Variants in CFAP210 observed in about 807,000 individuals in gnomAD.
The protein encoded by CFAP210 is cilia- and flagella- associated protein 210.
chr2:169,678,941 A>C, the CFAP210 span, among the ~76,000 whole-genome samples: 1 of 152,360 alleles, frequency 6.6e-6, no homozygotes, highest in Non-Finnish European at 1.5e-5. Flanking sequence ...CTATTATTAA[A>C]TCTACAGTCA....
the CFAP210 span, among the ~76,000 whole-genome samples, chr2:169,687,010 C>G: frequency 0.45 from 68,697 of 151,974 alleles, 15,573 homozygotes; most frequent in African/African-American, 0.47. Context: ...GTGGCAGCAA[C>G]AGAAAACGAG....
the CFAP210 span, among the ~76,000 whole-genome samples, chr2:169,646,355 C>T: frequency 2.0e-5 from 3 of 152,122 alleles, no homozygotes; most frequent in Admixed American, 6.6e-5. Flanking sequence ...CTATCATGCT[C>T]AAAGTGGTGG....
chr2:169,665,717 G>A, the CFAP210 span, among the ~76,000 whole-genome samples: 2 of 152,202 alleles, frequency 1.3e-5, no homozygotes, highest in Non-Finnish European at 2.9e-5. Context: ...ATGCTGAGGA[G>A]GGCTTTGTGC....
the CFAP210 span, among the ~76,000 whole-genome samples, chr2:169,663,120 G>A: frequency 2.0e-5 from 3 of 152,096 alleles, no homozygotes; most frequent in African/African-American, 4.8e-5. Context: ...AAGACTCCAG[G>A]TCTCAAAGGC....
the CFAP210 span, among the ~76,000 whole-genome samples, chr2:169,691,830 C>T: frequency 3.3e-5 from 5 of 152,170 alleles, no homozygotes; most frequent in Non-Finnish European, 5.9e-5. Flanking sequence ...ATTCTGTAGT[C>T]TGTATTCTTT....
chr2:169,666,879 G>T, the CFAP210 span, among the ~76,000 whole-genome samples: 4 of 152,118 alleles, frequency 2.6e-5, no homozygotes, highest in African/African-American at 9.7e-5. Flanking sequence ...TCCATCTCAA[G>T]AAACCACTTT....
chr2:169,668,121 T>G, the CFAP210 span, among the ~76,000 whole-genome samples: 73 of 152,380 alleles, frequency 4.8e-4, no homozygotes, highest in African/African-American at 1.7e-3. Context: ...TCTGGATAAC[T>G]TGCTGCAGCT....
the CFAP210 span, among the ~76,000 whole-genome samples, chr2:169,676,028 T>C: frequency 6.6e-6 from 1 of 152,346 alleles, no homozygotes; most frequent in East Asian, 1.9e-4. Flanking sequence ...TTTAGGTGTT[T>C]CGTCTGGCTG....
the CFAP210 span, among the ~76,000 whole-genome samples, chr2:169,660,111 G>T: frequency 6.6e-6 from 1 of 151,652 alleles, no homozygotes; most frequent in Non-Finnish European, 1.5e-5. Context: ...TTTTCTGGCT[G>T]GGCACGGTGG....
the CFAP210 span, among the ~76,000 whole-genome samples, chr2:169,682,092 G>A: frequency 4.1e-3 from 629 of 152,202 alleles, 1 homozygote; most frequent in African/African-American, 0.01. Flanking sequence ...TGGGTGTTCC[G>A]TTATATGAAT....
the CFAP210 span, among the ~76,000 whole-genome samples, chr2:169,685,790 G>T: frequency 6.6e-6 from 1 of 151,862 alleles, no homozygotes; most frequent in Non-Finnish European, 1.5e-5. Flanking sequence ...TATGTGGTGT[G>T]AGGTGTCTAT....
chr2:169,671,651 G>A, the CFAP210 span, among the ~76,000 whole-genome samples: 2 of 152,028 alleles, frequency 1.3e-5, no homozygotes, highest in East Asian at 1.9e-4. Flanking sequence ...TATTTTTTTA[G>A]TAGAGACAGG....
At chr2:169,667,436 G>A in the CFAP210 span, among the ~76,000 whole-genome samples, 6 of 152,086 alleles carry the variant, frequency 3.9e-5, no homozygotes, top group Non-Finnish European at 7.4e-5. Flanking sequence ...ACTGTGCCTG[G>A]CCCAAATGTT....
the CFAP210 span, among the ~76,000 whole-genome samples, chr2:169,692,486 C>T: frequency 1.2e-4 from 17 of 146,658 alleles, no homozygotes; most frequent in Admixed American, 1.1e-3. Flanking sequence ...ACACACCACA[C>T]AGAGACAGAG....
At chr2:169,673,056 G>T in the CFAP210 span, among the ~76,000 whole-genome samples, 1 of 152,082 alleles carries the variant, frequency 6.6e-6, no homozygotes, top group Non-Finnish European at 1.5e-5. Context: ...CATGCACAAG[G>T]ACAAAGCCCA....
chr2:169,681,154 T>A, the CFAP210 span: 2 of 1,613,796 alleles, frequency 1.2e-6, no homozygotes. Flanking sequence ...CGTGTGGAAT[T>A]ATGGTGACCT....
chr2:169,673,123 G>A, the CFAP210 span, among the ~76,000 whole-genome samples: 3 of 152,112 alleles, frequency 2.0e-5, no homozygotes, highest in South Asian at 2.1e-4. Flanking sequence ...GAACATTTCC[G>A]AGACTGCACT....
the CFAP210 span, among the ~76,000 whole-genome samples, chr2:169,653,163 G>T: frequency 6.8e-6 from 1 of 148,074 alleles, no homozygotes; most frequent in Non-Finnish European, 1.5e-5. Flanking sequence ...AATTGGGGAG[G>T]GGGTATAATT....
chr2:169,649,290 C>A, the CFAP210 span: 1 of 1,613,736 alleles, frequency 6.2e-7, no homozygotes, highest in African/African-American at 1.3e-5. Context: ...TGACAGCCAG[C>A]AATTGTTCTT....
Sources: gnomAD v4.1 joint callset for allele counts (sites outside exome capture counted in the v4.1 genomes callset) on GRCh38, gnomAD v4.1.1 for gene constraint, MANE v1.5 for transcripts, NCBI Gene and HGNC (gene_info 2026-07-23, HGNC 2026-07-21) for gene names.